NR3C2: variants seen among roughly 807,000 people sequenced by gnomAD.
NR3C2 encodes mineralocorticoid receptor.
NR3C2 carries 15 observed loss-of-function variants against 86.4 expected under a neutral mutation model. The ratio of observed to expected loss-of-function variants is 0.17; its 90% CI spans 0.12 to 0.27. NR3C2 has a LOEUF of 0.27. Ranked by LOEUF, NR3C2 falls within the 10% of genes least tolerant of loss-of-function variation. The pLI is 1.00. For missense variants in NR3C2, 960 were observed against 1,195.6 expected, an observed-to-expected ratio of 0.80 and a Z score of 2.91; for synonymous variants, 458 against 450.5, an observed-to-expected ratio of 1.02 and a Z score of -0.21.
At chr4:148,214,060 G>A (rs1323444228) in intron 3 of NR3C2, among the ~76,000 whole-genome samples, 1 of 152,224 alleles carries the variant, frequency 6.6e-6, no homozygotes, top group Non-Finnish European at 1.5e-5. Context: ...TAAATCAGAA[G>A]ACCTGGGGTT....
At position 148,418,888 on chromosome 4, in the gene NR3C2, G is replaced by C. The variant is rs1249644239; in HGVS notation, c.1757+16216C>G. ...GAGCAAGTGGAAGTATGACCTAAAA[G>C]CTGGCTTTCCACTCTTCTACATGTT... On this transcript the variant is annotated intron_variant, in intron 2 of 8. Coordinates refer to ENST00000358102, the MANE Select transcript of NR3C2 (RefSeq NM_000901.5). Among the ~76,000 whole-genome samples the C allele has an allele frequency of 5.3e-5, 8 of 152,146 alleles. No homozygotes were observed. The East Asian group carries it at 1.5e-3, about 29-fold the overall frequency.
At chr4:148,437,561 T>A (rs898092304) in intron 1 of NR3C2, among the ~76,000 whole-genome samples, 22 of 152,222 alleles carry the variant, frequency 1.4e-4, no homozygotes, top group African/African-American at 2.4e-5. Context: ...AAGGGCTGTA[T>A]GACAATTCAG....
intron 2 of NR3C2, among the ~76,000 whole-genome samples, chr4:148,284,118 G>T (rs1206325445): frequency 6.6e-6 from 1 of 152,124 alleles, no homozygotes; most frequent in Non-Finnish European, 1.5e-5. Flanking sequence ...GTCTGGCCTG[G>T]ATCTGCCTCT....
chr4:148,375,596 G>C (rs1746636832), intron 2 of NR3C2, among the ~76,000 whole-genome samples: 1 of 151,632 alleles, frequency 6.6e-6, no homozygotes, highest in African/African-American at 2.4e-5. Context: ...TCTCTTTTTT[G>C]TGAGAGGCAT....
intron 3 of NR3C2, chr4:148,201,013 T>C (rs1428402072): frequency 6.6e-6 from 1 of 152,142 alleles, no homozygotes; most frequent in African/African-American, 2.4e-5. Context: ...CTAAGGGGTA[T>C]CCCTGGTGTT....
At chr4:148,422,179 A>G (rs1460319135) in intron 2 of NR3C2, among the ~76,000 whole-genome samples, 1 of 152,182 alleles carries the variant, frequency 6.6e-6, no homozygotes, top group Non-Finnish European at 1.5e-5. Context: ...AACCAAGTCC[A>G]AAATACAGGG....
chr4:148,356,162 TTA>T (rs1745541286), intron 2 of NR3C2, among the ~76,000 whole-genome samples: 1 of 152,200 alleles, frequency 6.6e-6, no homozygotes, highest in African/African-American at 2.4e-5. Flanking sequence ...AAAAAACATT[TTA>T]TATGTTATAT....
At chr4:148,122,342 T>G (rs1452993835) in intron 6 of NR3C2, among the ~76,000 whole-genome samples, 1 of 152,226 alleles carries the variant, frequency 6.6e-6, no homozygotes. Flanking sequence ...CTCTGCCTCT[T>G]TTTCTTGCTC....
At chr4:148,093,603 G>A (rs1482943710) in intron 8 of NR3C2, among the ~76,000 whole-genome samples, 1 of 152,336 alleles carries the variant, frequency 6.6e-6, no homozygotes, top group East Asian at 1.9e-4. Flanking sequence ...TCAGCGATAT[G>A]TTGGGGTTAG....
intron 6 of NR3C2, among the ~76,000 whole-genome samples, chr4:148,129,627 G>A (rs9994262): frequency 0.14 from 21,470 of 151,836 alleles, 1,786 homozygotes; most frequent in African/African-American, 0.22. Flanking sequence ...ATGGAGTCTC[G>A]CTCTGTCACC....
intron 4 of NR3C2, among the ~76,000 whole-genome samples, chr4:148,161,162 G>A (rs899345508): frequency 1.3e-5 from 2 of 151,924 alleles, no homozygotes; most frequent in Non-Finnish European, 2.9e-5. Context: ...AATACTCAGA[G>A]TGGTTAAGAA....
chr4:148,371,580 C>T lies in NR3C2; in HGVS notation c.1757+63524G>A, dbSNP rs537475181. ...TTTATACCTAGTGACCTTGTGTGCA[C>T]CCAATCCCTTTAAATGTAGTGTCTA... On this transcript the variant is annotated intron_variant, in intron 2 of 8. Transcript: ENST00000358102. 4.0e-5 allele frequency among the ~76,000 whole-genome samples: 6 copies of T among 151,798 alleles called. No homozygotes were observed. The East Asian group carries it at 1.2e-3, about 29-fold the overall frequency.
intron 2 of NR3C2, among the ~76,000 whole-genome samples, chr4:148,313,596 T>C (rs192331801): frequency 4.4e-4 from 67 of 152,330 alleles, no homozygotes; most frequent in African/African-American, 1.6e-3. Flanking sequence ...TTCAGTGATA[T>C]ACTCAAGAAC....
At chr4:148,296,424 T>C (rs1421248686) in intron 2 of NR3C2, among the ~76,000 whole-genome samples, 1 of 152,194 alleles carries the variant, frequency 6.6e-6, no homozygotes, top group African/African-American at 2.4e-5. Context: ...AAGAGAACAC[T>C]GTCTAATTAG....
intron 8 of NR3C2, among the ~76,000 whole-genome samples, chr4:148,108,557 A>G (rs1199490697): frequency 1.3e-5 from 2 of 152,290 alleles, no homozygotes; most frequent in South Asian, 4.1e-4. Context: ...GCCTGGCTAG[A>G]GAAGAGCCAC....
chr4:148,244,883 T>C (rs927368691), intron 3 of NR3C2, among the ~76,000 whole-genome samples: 5 of 152,174 alleles, frequency 3.3e-5, no homozygotes, highest in Non-Finnish European at 7.4e-5. Flanking sequence ...TTCTACAAAA[T>C]AGTGTTATAG....
At chr4:148,383,880 G>A (rs1747125882) in intron 2 of NR3C2, among the ~76,000 whole-genome samples, 1 of 151,518 alleles carries the variant, frequency 6.6e-6, no homozygotes, top group Non-Finnish European at 1.5e-5. Context: ...TCAGGGAGGT[G>A]GAGGTTGCAG....
intron 8 of NR3C2, among the ~76,000 whole-genome samples, chr4:148,084,051 G>GT (rs1730700680): frequency 6.6e-6 from 1 of 152,210 alleles, no homozygotes; most frequent in Non-Finnish European, 1.5e-5. Flanking sequence ...TTTAATTGGT[G>GT]TAACTGAAAG....
chr4:148,280,704 T>C (rs1470754343), intron 2 of NR3C2, among the ~76,000 whole-genome samples: 12 of 152,124 alleles, frequency 7.9e-5, no homozygotes, highest in Admixed American at 7.9e-4. Context: ...AGGGTCTCAC[T>C]ATGTTGTCCA....
Sources: allele counts gnomAD v4.1 joint callset (sites outside exome capture counted in the v4.1 genomes callset), GRCh38; gene constraint gnomAD v4.1.1; transcripts MANE v1.5; gene names NCBI Gene and HGNC (gene_info 2026-07-23, HGNC 2026-07-21).